Variants in GARIN5A observed in about 807,000 individuals in gnomAD.
The protein encoded by GARIN5A is Golgi-associated RAB2 interactor protein 5A.
At chr19:50,476,667 T>A in the GARIN5A span, 5 of 1,488,264 alleles carry the variant, frequency 3.4e-6, no homozygotes, top group African/African-American at 7.2e-5. Context: ...GGGTGAGTGC[T>A]CTTTAGCTGT....
chr19:50,474,519 G>C, the GARIN5A span, among the ~76,000 whole-genome samples: 1 of 151,998 alleles, frequency 6.6e-6, no homozygotes, highest in Admixed American at 6.6e-5. Context: ...CTAATTTTTT[G>C]TATTTTTAGT....
the GARIN5A span, among the ~76,000 whole-genome samples, chr19:50,470,705 A>C: frequency 8.2e-6 from 1 of 122,212 alleles, no homozygotes; most frequent in Non-Finnish European, 1.6e-5. Context: ...CCCGGGCTGG[A>C]GTGTAATGGC....
chr19:50,472,321 A>G, the GARIN5A span, among the ~76,000 whole-genome samples: 35 of 151,242 alleles, frequency 2.3e-4, 1 homozygote, highest in South Asian at 8.3e-4. Context: ...GTATGTGTGT[A>G]TATATATATC....
chr19:50,472,875 A>C, the GARIN5A span, among the ~76,000 whole-genome samples: 1 of 152,092 alleles, frequency 6.6e-6, no homozygotes, highest in African/African-American at 2.4e-5. Context: ...CTGTCTCAAA[A>C]TTAAATGAAT....
the GARIN5A span, chr19:50,476,522 TTCGCTGG>T: frequency 6.4e-7 from 1 of 1,569,392 alleles, no homozygotes; most frequent in Non-Finnish European, 8.6e-7. Flanking sequence ...CAGCCGTCCC[TTCGCTGG>T]TGGGAAGAAG....
chr19:50,476,368 A>G, the GARIN5A span: 5 of 1,564,976 alleles, frequency 3.2e-6, no homozygotes, highest in Admixed American at 1.8e-5. Context: ...CCTGGAGATC[A>G]GGCCAAAGGG....
chr19:50,475,773 T>A, the GARIN5A span: 1 of 1,244,702 alleles, frequency 8.0e-7, no homozygotes, highest in Non-Finnish European at 1.2e-6. Context: ...GCTTTCCAAG[T>A]CAGGAGGAGG....
At chr19:50,470,288 CG>C in the GARIN5A span, among the ~76,000 whole-genome samples, 3 of 152,090 alleles carry the variant, frequency 2.0e-5, no homozygotes, top group Non-Finnish European at 2.9e-5. Context: ...CCGAGGCAGG[CG>C]GATCACCTGA....
At chr19:50,470,685 C>T in the GARIN5A span, among the ~76,000 whole-genome samples, 2 of 134,614 alleles carry the variant, frequency 1.5e-5, no homozygotes, top group East Asian at 2.2e-4. Context: ...GATGGAGTCT[C>T]GCACTGTTTC....
At chr19:50,476,566 G>C in the GARIN5A span, 1 of 1,575,154 alleles carries the variant, frequency 6.3e-7, no homozygotes, top group Non-Finnish European at 8.6e-7. Flanking sequence ...CAGCGCTGGG[G>C]CAACCCGGCT....
chr19:50,467,403 C>T, the GARIN5A span, among the ~76,000 whole-genome samples: 1 of 149,262 alleles, frequency 6.7e-6, no homozygotes, highest in Admixed American at 6.7e-5. Context: ...CCAGCCCCTC[C>T]TCCCTCAGAC....
the GARIN5A span, chr19:50,467,701 T>C: frequency 1.3e-6 from 2 of 1,594,808 alleles, no homozygotes; most frequent in Non-Finnish European, 8.5e-7. Context: ...CTGGCCGAAC[T>C]CTCGGTCTCG....
At chr19:50,467,822 G>C in the GARIN5A span, 1 of 1,613,052 alleles carries the variant, frequency 6.2e-7, no homozygotes, top group Non-Finnish European at 8.5e-7. Context: ...AACTTCAAGG[G>C]GAACAGCCTG....
At chr19:50,467,108 C>A in the GARIN5A span, among the ~76,000 whole-genome samples, 1 of 152,170 alleles carries the variant, frequency 6.6e-6, no homozygotes, top group Non-Finnish European at 1.5e-5. Context: ...AAACTGGCAT[C>A]ATCCCCTGCT....
chr19:50,471,971 CATGT>C, the GARIN5A span, among the ~76,000 whole-genome samples: 647 of 146,422 alleles, frequency 4.4e-3, 5 homozygotes, highest in African/African-American at 0.015. Flanking sequence ...TGTATATATA[CATGT>C]ATGTGTGTAT....
At chr19:50,476,453 G>A in the GARIN5A span, 2 of 1,562,596 alleles carry the variant, frequency 1.3e-6, no homozygotes, top group Non-Finnish European at 1.7e-6. Flanking sequence ...CCCAGCGCAG[G>A]CGCACGGGCG....
At chr19:50,475,288 G>A in the GARIN5A span, 2 of 1,543,630 alleles carry the variant, frequency 1.3e-6, no homozygotes, top group Non-Finnish European at 1.8e-6. Context: ...CTGGAGCTGA[G>A]GGAGGAAGGG....
At chr19:50,471,279 G>C in the GARIN5A span, among the ~76,000 whole-genome samples, 1 of 150,360 alleles carries the variant, frequency 6.7e-6, no homozygotes, top group East Asian at 2.0e-4. Context: ...CTGCTGGTTT[G>C]TTTGTTTTGA....
At chr19:50,469,923 C>G in the GARIN5A span, among the ~76,000 whole-genome samples, 17 of 152,288 alleles carry the variant, frequency 1.1e-4, no homozygotes, top group South Asian at 3.5e-3. Flanking sequence ...AGAATAACAG[C>G]TGACATTTGT....
Sources: allele counts gnomAD v4.1 joint callset (sites outside exome capture counted in the v4.1 genomes callset), GRCh38; gene constraint gnomAD v4.1.1; transcripts MANE v1.5; gene names NCBI Gene and HGNC (gene_info 2026-07-23, HGNC 2026-07-21).